The following CD63 variants were observed in gnomAD, a reference collection of about 807,000 sequenced individuals.
CD63 encodes the protein CD63 molecule, also known as CD63 antigen.
In CD63, 16 loss-of-function variants were observed where a neutral mutation model predicts 29.2. The ratio of observed to expected loss-of-function variants is 0.55; its 90% CI spans 0.37 to 0.83. The LOEUF is 0.83. CD63 is among the 40% of genes least tolerant of loss of function. The pLI, the probability that CD63 is intolerant of heterozygous loss-of-function variation, is 0.00. For missense variants in CD63, 251 were observed against 297.3 expected (o/e 0.84, Z 1.15); for synonymous variants, 118 against 111.7 (o/e 1.06, Z -0.36).
chr12:55,727,968 G>A, intron 2 of CD63: 11 of 1,206,774 alleles, frequency 9.1e-6, no homozygotes, highest in Non-Finnish European at 1.2e-5. Context: ...GCCCCATGGC[G>A]ATAGCATCAG....
At chr12:55,724,366 GAC>G, downstream of CD63, 1 of 1,614,200 alleles carries the variant, frequency 6.2e-7, no homozygotes, top group Non-Finnish European at 8.5e-7. Context: ...CTGTGACCCG[GAC>G]CTAACCAAGG....
At chr12:55,729,074 C>T (rs1361043273), upstream of CD63, 1 of 985,290 alleles carries the variant, frequency 1.0e-6, no homozygotes, top group Non-Finnish European at 1.2e-6. Context: ...AGCCACGGTC[C>T]CCTCCCCCGC....
chr12:55,728,642 C>T lies in CD63; in HGVS notation c.-11-290G>A, dbSNP rs1229940884. Reference sequence around the variant, plus strand: ...TGACGCCGACCCTCGGCCCGCCAGTCTCCGGGCGTCAAACACCCTTTCCCC... The same window carrying T: ...TGACGCCGACCCTCGGCCCGCCAGTTTCCGGGCGTCAAACACCCTTTCCCC... On this transcript the variant is annotated intron_variant, in intron 1 of 7. Coordinates refer to ENST00000257857, the MANE Select transcript of CD63 (RefSeq NM_001780.6). The surrounding 1 kb of genome is among the most constrained non-coding windows in gnomAD (Gnocchi z 4.8). 1 of 1,288,002 alleles carries T rather than the reference C, an allele frequency of 7.8e-7. No individual in the cohort carries two copies. Among genetic ancestry groups the T allele is most frequent in the African/African-American group, 1.6e-5 (1 of 64,334 alleles). The allele number at this position is 1,288,002 out of a possible 1,614,324, so 79.8% of individuals were successfully genotyped here. A position where few individuals can be genotyped will look rare whatever the true frequency, so the allele number is the denominator to read the frequency against.
At chr12:55,724,386 A>G (rs1877098617), downstream of CD63, 3 of 1,614,198 alleles carry the variant, frequency 1.9e-6, no homozygotes, top group Non-Finnish European at 1.7e-6. Flanking sequence ...AGGTGAGCCG[A>G]TGCCTGGAGC....
At chr12:55,727,876 G>A in intron 2 of CD63, 2 of 1,079,578 alleles carry the variant, frequency 1.9e-6, no homozygotes, top group Non-Finnish European at 2.3e-6. Flanking sequence ...CCAAGCGCTG[G>A]GAGGAGGGAA....
downstream of CD63, chr12:55,724,454 T>C: frequency 6.2e-7 from 1 of 1,614,090 alleles, no homozygotes; most frequent in Non-Finnish European, 8.5e-7. Flanking sequence ...GATGCCAAGC[T>C]GCTCTGGCTG....
At chr12:55,727,503 C>T in intron 2 of CD63, 164 bp from the exon 3 acceptor site, 2 of 1,197,256 alleles carry the variant, frequency 1.7e-6, no homozygotes, top group South Asian at 1.8e-5. Context: ...GATGACCCAT[C>T]CTTGCCTGCC....
In CD63 at chr12:55,725,558, C is replaced by A; in HGVS notation, c.*3G>T. On this transcript the variant is annotated 3_prime_UTR_variant, in exon 8 of 8. Coordinates refer to ENST00000257857, the MANE Select transcript of CD63 (RefSeq NM_001780.6). ...AGATGAGGAGGCTGAGGAGACCAGA[C>A]CCCTACATCACCTCGTAGCCACTTC... is the stretch of plus-strand genomic sequence containing the variant. 1 of 1,612,652 alleles carries A rather than the reference C, an allele frequency of 6.2e-7. No homozygotes were observed. Among genetic ancestry groups the A allele is most frequent in the East Asian group, 2.2e-5 (1 of 44,868 alleles).
rs1877656542 is a variant in CD63, at chr12:55,728,396, G to C, written c.-11-44C>G. On this transcript the variant is annotated intron_variant, in intron 1 of 7. Transcript: ENST00000257857. The surrounding 1 kb of genome is among the most constrained non-coding windows in gnomAD (Gnocchi z 4.8). ...CGGGGGGATTAAAACTGGCCGAAGG[G>C]GGACCTCGGTTTCCGGGCTCCCGGC... The C allele has an allele frequency of 6.3e-7, 1 of 1,575,090 alleles. No homozygotes were observed. Among genetic ancestry groups the C allele is most frequent in the African/African-American group, 1.3e-5 (1 of 74,522 alleles).
Position 55,726,976 on chromosome 12 carries a change from A to G in CD63, c.256-12T>C. On this transcript the variant is annotated splice_polypyrimidine_tract_variant and intron_variant, in intron 3 of 7. Transcript: ENST00000257857. ...AGAAAGATGGCAAACTGCAGGAGCA[A>G]AGGACAGAAGTCAAGTTTGGAGTCT... 6.2e-7 allele frequency: 1 copy of G among 1,613,662 alleles called. No individual in the cohort carries two copies. Among genetic ancestry groups the G allele is most frequent in the East Asian group, 2.2e-5 (1 of 44,880 alleles).
At chr12:55,724,943 G>C (rs1877141572), downstream of CD63, among the ~76,000 whole-genome samples, 1 of 152,182 alleles carries the variant, frequency 6.6e-6, no homozygotes, top group African/African-American at 2.4e-5. Flanking sequence ...ATATTTCTTG[G>C]GGGAGAAGAG....
In CD63 at chr12:55,725,617, T is replaced by C. The variant is rs1336164120; in HGVS notation, c.661A>G (p.Ile221Val). The change falls in exon 8 of 8, where the codon ATT (isoleucine) becomes GTT (valine). Residue 221 changes from isoleucine (I) to valine (V), a missense_variant. By Grantham distance (29) the Ile-to-Val change is conservative. Coordinates refer to ENST00000257857, the MANE Select transcript of CD63 (RefSeq NM_001780.6). ...LGIAFVEVLG[I>V]VFACCLVKSI... ...TTCACGAGGCAGCAGGCAAAGACAATTCCCAAAACCTAGAAGGAAAGATGG... is the reference window on the plus strand; with the variant it reads ...TTCACGAGGCAGCAGGCAAAGACAACTCCCAAAACCTAGAAGGAAAGATGG... The C allele has an allele frequency of 3.7e-6, 6 of 1,613,856 alleles. No homozygotes were observed. The highest frequency in any genetic ancestry group is 5.1e-6 in the Non-Finnish European group (6 of 1,179,940).
At position 55,725,806 on chromosome 12, in the gene CD63, C is replaced by T; in HGVS notation, c.651+7G>A. On this transcript the variant is annotated splice_region_variant and intron_variant, in intron 7 of 7. Transcript: ENST00000257857. ...AGTCCCAGCCCCTGCTCAGGGTTAT[C>T]TCTTACCTCGACAAAAGCAATTCCA... The T allele has an allele frequency of 1.2e-6, 2 of 1,613,692 alleles. No homozygotes were observed. The highest frequency in any genetic ancestry group is 1.7e-6 in the Non-Finnish European group (2 of 1,179,608).
chr12:55,726,437 C>CG, intron 5 of CD63, 176 bp from the exon 6 acceptor site: 1 of 651,620 alleles, frequency 1.5e-6, no homozygotes. Flanking sequence ...CTCCGCCTCC[C>CG]GGGTTCAAGC....
chr12:55,728,998 C>G lies in CD63; in HGVS notation c.-57G>C. The G allele has an allele frequency of 1.1e-5, 11 of 985,470 alleles. No homozygotes were observed. The highest frequency in any genetic ancestry group is 1.3e-5 in the Non-Finnish European group (11 of 830,070). 61.0% of individuals were successfully genotyped at this position (985,470 alleles called of 1,614,324 possible). On this transcript the variant is annotated 5_prime_UTR_variant, in exon 1 of 8. Transcript: ENST00000257857. The surrounding 1 kb of genome is among the most constrained non-coding windows in gnomAD (Gnocchi z 4.8). The stretch of plus-strand genomic sequence containing the variant: ...TGCGCGTTCCTCTCCCGCCGCGGCT[C>G]CGGGGCTCTCTAGCTGCGCCCCCCG...
rs1372665520 is a variant in CD63 at position 55,728,614 on chromosome 12, G to A, written c.-11-262C>T. 2 of 1,335,606 alleles carry A rather than the reference G, an allele frequency of 1.5e-6. No individual in the cohort carries two copies. The highest frequency in any genetic ancestry group is 3.0e-5 in the African/African-American group (2 of 65,636). 82.7% of individuals were successfully genotyped at this position (1,335,606 alleles called of 1,614,324 possible). ...TCCAAGGGCGCCGGCAGGGGCTTGAGCCTGACGCCGACCCTCGGCCCGCCA... is the reference window on the plus strand; with the variant it reads ...TCCAAGGGCGCCGGCAGGGGCTTGAACCTGACGCCGACCCTCGGCCCGCCA... On this transcript the variant is annotated intron_variant, in intron 1 of 7. Coordinates refer to ENST00000257857, the MANE Select transcript of CD63 (RefSeq NM_001780.6). This position sits in a 1 kb window ranked among gnomAD's most constrained non-coding sequence, Gnocchi z 4.8.
intron 3 of CD63, 23 bp downstream of exon 3, chr12:55,727,128 T>C: frequency 6.4e-7 from 1 of 1,565,048 alleles, no homozygotes; most frequent in Non-Finnish European, 8.7e-7. Flanking sequence ...AGACCGCCCA[T>C]GTTGGTCCCG....
intron 2 of CD63, 170 bp from the exon 3 acceptor site, chr12:55,727,509 C>G: frequency 8.2e-7 from 1 of 1,218,250 alleles, no homozygotes; most frequent in Non-Finnish European, 1.1e-6. Flanking sequence ...CCATCCTTGC[C>G]TGCCCCTACC....
At chr12:55,724,611 C>T (rs1229631783), downstream of CD63, 3 of 1,339,198 alleles carry the variant, frequency 2.2e-6, no homozygotes, top group East Asian at 7.0e-5. Flanking sequence ...TGCCCCCACC[C>T]TGGTACTGCC....
Sources: allele counts gnomAD v4.1 joint callset (sites outside exome capture counted in the v4.1 genomes callset), GRCh38; gene constraint gnomAD v4.1.1; non-coding constraint Gnocchi (gnomAD v3.1); transcripts MANE v1.5; gene names NCBI Gene and HGNC (gene_info 2026-07-23, HGNC 2026-07-21).